Variants in NCAM2 observed in about 807,000 individuals in gnomAD.
NCAM2 encodes the protein N-CAM-2.
Under a neutral mutation model 98.1 loss-of-function variants are expected in NCAM2, and 30 were observed. The observed-to-expected ratio is 0.31, with a 90% CI of 0.23 to 0.41. NCAM2 has a LOEUF of 0.41. Among genes scored for constraint, NCAM2 ranks in the 10% least tolerant of loss-of-function variants. The pLI is 1.00. For synonymous variants in NCAM2, 368 were observed against 342.4 expected, an observed-to-expected ratio of 1.07 and a Z score of -0.83; for missense variants, 867 against 1,005.8, an observed-to-expected ratio of 0.86 and a Z score of 1.87.
intron 16 of NCAM2, among the ~76,000 whole-genome samples, chr21:21,517,787 A>G (rs950297754): frequency 6.6e-6 from 1 of 152,100 alleles, no homozygotes; most frequent in Admixed American, 6.6e-5. Flanking sequence ...GAACCTGGGG[A>G]ACGAAGATGG....
In NCAM2 at chr21:21,404,051, T is replaced by G. The variant is rs140874275; in HGVS notation, c.1196-6223T>G. ...TTTATGATAAAAATAATTGATGTTG[T>G]TTTATGCTTTCAAGTGTCTTACTAC... is the stretch of plus-strand genomic sequence containing the variant. On this transcript the variant is annotated intron_variant, in intron 9 of 17. Transcript: ENST00000400546. Among the ~76,000 whole-genome samples, 874 of 152,294 alleles carry G rather than the reference T, an allele frequency of 5.7e-3. 9 individuals are homozygous for G. Among genetic ancestry groups the G allele is most frequent in the African/African-American group, 0.02 (836 of 41,572 alleles).
At position 21,056,932 on chromosome 21, in the gene NCAM2, T is replaced by TATTATATACCCTCTTTAATTATAGA. The variant is rs1454064642; in HGVS notation, c.55+58314_55+58315insATTATATACCCTCTTTAATTATAGA. Among the ~76,000 whole-genome samples the TATTATATACCCTCTTTAATTATAGA allele has an allele frequency of 2.8e-4, 42 of 152,228 alleles. 1 individual carries two copies. The highest frequency in any genetic ancestry group is 9.6e-4 in the African/African-American group (40 of 41,550). On this transcript the variant is annotated intron_variant, in intron 1 of 17. Coordinates refer to ENST00000400546, the MANE Select transcript of NCAM2 (RefSeq NM_004540.5). ...TCTTTGCTTTCTCCCCATTTATTTATCTGATATTATATACCCTCTTTAATT... is the reference window on the plus strand; with the variant it reads ...TCTTTGCTTTCTCCCCATTTATTTATATTATATACCCTCTTTAATTATAGACTGATATTATATACCCTCTTTAATT...
chr21:21,465,141 C>G (rs1983512226), intron 12 of NCAM2, among the ~76,000 whole-genome samples: 1 of 151,988 alleles, frequency 6.6e-6, no homozygotes, highest in Non-Finnish European at 1.5e-5. Flanking sequence ...TAAGTAATGT[C>G]TGGTTGATAT....
chr21:21,345,361 A>G (rs887389975), intron 8 of NCAM2, among the ~76,000 whole-genome samples: 11 of 152,124 alleles, frequency 7.2e-5, no homozygotes, highest in African/African-American at 2.7e-4. Context: ...GTGTTGAGGA[A>G]ACTAAAAAAA....
At chr21:21,142,468 T>C (rs1353744200) in intron 1 of NCAM2, among the ~76,000 whole-genome samples, 1 of 141,750 alleles carries the variant, frequency 7.1e-6, no homozygotes, top group East Asian at 2.3e-4. Context: ...AAGCTCCGCC[T>C]TCTGGGTTCA....
intron 1 of NCAM2, among the ~76,000 whole-genome samples, chr21:21,032,156 G>A: frequency 6.7e-6 from 1 of 149,658 alleles, no homozygotes; most frequent in East Asian, 2.0e-4. Context: ...ATTTAGAAAA[G>A]TATTGGTTAC....
chr21:21,380,567 T>A (rs1009769852), intron 9 of NCAM2, among the ~76,000 whole-genome samples: 3 of 152,102 alleles, frequency 2.0e-5, no homozygotes, highest in African/African-American at 7.2e-5. Flanking sequence ...TTTCTTGTTT[T>A]TTTTTTCAGC....
intron 1 of NCAM2, among the ~76,000 whole-genome samples, chr21:21,128,031 T>A (rs1470967350): frequency 2.6e-5 from 4 of 151,992 alleles, no homozygotes; most frequent in African/African-American, 7.3e-5. Context: ...TTTCCCTTTG[T>A]ATTTTTTTTT....
At chr21:21,008,535 C>T (rs902976788) in intron 1 of NCAM2, among the ~76,000 whole-genome samples, 1 of 152,140 alleles carries the variant, frequency 6.6e-6, no homozygotes, top group Admixed American at 6.5e-5. Context: ...AAATTACTTG[C>T]CCAAATAGAA....
At chr21:21,216,607 G>A (rs2069910714) in intron 1 of NCAM2, among the ~76,000 whole-genome samples, 1 of 152,202 alleles carries the variant, frequency 6.6e-6, no homozygotes, top group South Asian at 2.1e-4. Flanking sequence ...ATAGCCAAAT[G>A]CATTGTCCTG....
At chr21:21,384,355 G>T (rs2076218877) in intron 9 of NCAM2, among the ~76,000 whole-genome samples, 1 of 151,294 alleles carries the variant, frequency 6.6e-6, no homozygotes, top group South Asian at 2.1e-4. Flanking sequence ...TTTTTAGACT[G>T]GTTATTAATG....
chr21:21,163,443 C>G (rs2067853343), intron 1 of NCAM2, among the ~76,000 whole-genome samples: 1 of 152,138 alleles, frequency 6.6e-6, no homozygotes, highest in Admixed American at 6.6e-5. Context: ...TTAATCAGCA[C>G]TCTTCCCTCT....
intron 1 of NCAM2, among the ~76,000 whole-genome samples, chr21:21,262,542 T>C (rs1202255545): frequency 6.6e-6 from 1 of 150,620 alleles, no homozygotes; most frequent in Non-Finnish European, 1.5e-5. Context: ...GCCGACATCA[T>C]ACTGAATGAG....
rs139420857 is a variant in NCAM2 at position 21,376,130 on chromosome 21, A to G, written c.1195+2117A>G. Reference sequence around the variant, plus strand: ...TTAGTTATAAGATAAGAGGGTTTAAAGAAGAGACTGTTGGGACCTATTTAT... The same window carrying G: ...TTAGTTATAAGATAAGAGGGTTTAAGGAAGAGACTGTTGGGACCTATTTAT... On this transcript the variant is annotated intron_variant, in intron 9 of 17. Coordinates refer to ENST00000400546, the MANE Select transcript of NCAM2 (RefSeq NM_004540.5). Among the ~76,000 whole-genome samples the G allele has an allele frequency of 3.8e-3, 583 of 151,910 alleles. 8 individuals are homozygous for G. Among genetic ancestry groups the G allele is most frequent in the African/African-American group, 0.014 (569 of 41,512 alleles).
intron 1 of NCAM2, among the ~76,000 whole-genome samples, chr21:21,125,613 AAT>A (rs1401016925): frequency 1.7e-4 from 22 of 132,842 alleles, no homozygotes; most frequent in Non-Finnish European, 2.3e-4. Flanking sequence ...ATAAATATAT[AAT>A]ATGTTATATA....
chr21:21,269,156 G>A (rs2072403079), intron 1 of NCAM2, among the ~76,000 whole-genome samples: 5 of 152,010 alleles, frequency 3.3e-5, no homozygotes, highest in Admixed American at 3.3e-4. Context: ...TGAATACTTT[G>A]GAGTGCATTC....
In NCAM2 at chr21:21,284,339, T is replaced by G; in HGVS notation, c.276T>G (p.Arg92=). 6.2e-7 allele frequency: 1 copy of G among 1,612,854 alleles called. No homozygotes were observed. Among genetic ancestry groups the G allele is most frequent in the Non-Finnish European group, 8.5e-7 (1 of 1,179,198 alleles). Residue 92 remains arginine, a synonymous_variant, in exon 3 of 18, where the codon CGT becomes CGG. Transcript: ENST00000400546. ...ATATAGAAGATGCAGGGATATATCG[T>G]TGTCAAGCAACAGATGCCAAAGGAC... ...NANIEDAGIY[R]CQATDAKGQT... is the part of the protein sequence containing the mutation.
chr21:21,340,067 G>T (rs1031720459), intron 8 of NCAM2, among the ~76,000 whole-genome samples: 7 of 151,662 alleles, frequency 4.6e-5, no homozygotes, highest in Admixed American at 2.6e-4. Flanking sequence ...AATCTGAAAA[G>T]AATTAAATTT....
Position 21,530,484 on chromosome 21 carries a change from ATT to A in NCAM2, c.2283-4047_2283-4046del, listed in dbSNP as rs951497420. Reference sequence around the variant, plus strand: ...TGCTGCCTCATACATAAGCATTAATATTTTTTTCCTTCCTTCCCAATAATTTT... The same window carrying A: ...TGCTGCCTCATACATAAGCATTAATATTTTTCCTTCCTTCCCAATAATTTT... On this transcript the variant is annotated intron_variant, in intron 16 of 17. Transcript: ENST00000400546. 2.0e-5 allele frequency among the ~76,000 whole-genome samples: 3 copies of A among 150,594 alleles called. No homozygotes were observed. The Admixed American group carries it at 2.0e-4, about 10-fold the overall frequency.
Sources: gnomAD v4.1 joint callset for allele counts (sites outside exome capture counted in the v4.1 genomes callset) on GRCh38, gnomAD v4.1.1 for gene constraint, MANE v1.5 for transcripts, NCBI Gene and HGNC (gene_info 2026-07-23, HGNC 2026-07-21) for gene names.